SUB1: variants seen among roughly 807,000 people sequenced by gnomAD.
SUB1 encodes the protein SUB1 regulator of transcription.
In SUB1, 1 loss-of-function variant was observed where a neutral mutation model predicts 16.9. The observed-to-expected ratio is 0.06, with a 90% CI of 0.02 to 0.28. The LOEUF is 0.28. Among genes scored for constraint, SUB1 ranks in the 10% least tolerant of loss-of-function variants. The pLI is 1.00. For synonymous variants in SUB1, 51 were observed against 46.9 expected (o/e 1.09, Z -0.36); for missense variants, 84 against 145.2 (o/e 0.58, Z 2.16).
intron 1 of SUB1, chr5:32,585,873 C>G (rs973812090): frequency 6.5e-6 from 1 of 152,692 alleles, no homozygotes; most frequent in Non-Finnish European, 1.5e-5. Flanking sequence ...GCGGCGGGCG[C>G]TGCGGCCCGG....
chr5:32,602,162 A>G lies in SUB1; in HGVS notation c.*1078A>G, dbSNP rs751987630. On this transcript the variant is annotated 3_prime_UTR_variant, in exon 5 of 5. Coordinates refer to ENST00000265073, the MANE Select transcript of SUB1 (RefSeq NM_006713.4). ...ATGATACTAAGTTTTAGCAGACACT[A>G]GTAAGTGGTTTGTATTTAACCATAC... 6 of 450,590 alleles carry G rather than the reference A, an allele frequency of 1.3e-5. No homozygotes were observed. Among genetic ancestry groups the G allele is most frequent in the Non-Finnish European group, 2.7e-5 (6 of 225,196 alleles). 27.9% of individuals were successfully genotyped at this position (450,590 alleles called of 1,614,324 possible). A position where few individuals can be genotyped will look rare whatever the true frequency, so the allele number is the denominator to read the frequency against.
chr5:32,593,419 GT>G (rs916889235), intron 3 of SUB1, among the ~76,000 whole-genome samples: 24 of 149,996 alleles, frequency 1.6e-4, no homozygotes, highest in African/African-American at 2.4e-4. Flanking sequence ...GAAAATTTAA[GT>G]TTTTTTTTTC....
In SUB1 at chr5:32,603,237, A is replaced by C. The variant is rs1329666824; in HGVS notation, c.*2153A>C. 1.3e-5 allele frequency: 2 copies of C among 152,194 alleles called. No homozygotes were observed. Among genetic ancestry groups the C allele is most frequent in the East Asian group, 3.8e-4 (2 of 5,208 alleles). 9.4% of individuals were successfully genotyped at this position (152,194 alleles called of 1,614,324 possible). A position where few individuals can be genotyped will look rare whatever the true frequency, so the allele number is the denominator to read the frequency against. On this transcript the variant is annotated 3_prime_UTR_variant, in exon 5 of 5. Coordinates refer to ENST00000265073, the MANE Select transcript of SUB1 (RefSeq NM_006713.4). Reference sequence around the variant, plus strand: ...TTAATCAGTTTGTGTATAGGAAAAGAGAACTGGGTTAAAAGCAAATTAACT... The same window carrying C: ...TTAATCAGTTTGTGTATAGGAAAAGCGAACTGGGTTAAAAGCAAATTAACT...
chr5:32,602,192 G>A lies in SUB1; in HGVS notation c.*1108G>A, dbSNP rs560881738. On this transcript the variant is annotated 3_prime_UTR_variant, in exon 5 of 5. Coordinates refer to ENST00000265073, the MANE Select transcript of SUB1 (RefSeq NM_006713.4). ...GTGGTTTGTATTTAACCATACTGAT[G>A]AAGCAGACAGATTGAGGCACAGATT... The A allele has an allele frequency of 2.2e-6, 1 of 455,356 alleles. No homozygotes were observed. Among genetic ancestry groups the A allele is most frequent in the South Asian group, 1.6e-5 (1 of 64,464 alleles). 28.2% of individuals were successfully genotyped at this position (455,356 alleles called of 1,614,324 possible).
intron 2 of SUB1, among the ~76,000 whole-genome samples, chr5:32,590,089 G>A (rs983738081): frequency 6.6e-6 from 1 of 152,166 alleles, no homozygotes; most frequent in African/African-American, 2.4e-5. Flanking sequence ...TTATTTGCCA[G>A]ACATGCACTA....
intron 3 of SUB1, chr5:32,594,757 T>A (rs1738916276): frequency 4.6e-6 from 1 of 218,222 alleles, no homozygotes; most frequent in African/African-American, 2.3e-5. Context: ...TTATTCCTTA[T>A]GAGAATCTAA....
At chr5:32,588,286 T>G (rs1034789710) in intron 1 of SUB1, among the ~76,000 whole-genome samples, 2 of 152,216 alleles carry the variant, frequency 1.3e-5, no homozygotes, top group Admixed American at 6.5e-5. Context: ...TGTATGACAT[T>G]TAGTTCATTG....
At chr5:32,590,036 A>G (rs957902132) in intron 2 of SUB1, among the ~76,000 whole-genome samples, 4 of 152,200 alleles carry the variant, frequency 2.6e-5, no homozygotes, top group South Asian at 2.1e-4. Context: ...TGCACCCTAT[A>G]TAGTATTTGA....
Position 32,588,534 on chromosome 5 carries a change from G to A in SUB1, c.22G>A (p.Val8Ile), listed in dbSNP as rs1187588651. Residue 8 changes from valine (V) to isoleucine (I), a missense_variant, in exon 2 of 5, where the codon GTT becomes ATT. Around this residue, in one of 2 missense-constraint regions of SUB1, gnomAD observed 60 missense variants for 64.9 expected, o/e 0.92. Coordinates refer to ENST00000265073, the MANE Select transcript of SUB1 (RefSeq NM_006713.4). ...CAGGATGCCTAAATCAAAGGAACTT[G>A]TTTCTTCAAGCTCTTCTGGCAGTGA... MPKSKELVSSSSSGSDSD... is the reference protein window; with the variant it reads MPKSKELISSSSSGSDSD... The A allele has an allele frequency of 1.9e-6, 3 of 1,612,734 alleles. No homozygotes were observed. Among genetic ancestry groups the A allele is most frequent in the Non-Finnish European group, 1.7e-6 (2 of 1,179,396 alleles).
Position 32,588,057 on chromosome 5 carries a change from A to G in SUB1, c.-1-455A>G, listed in dbSNP as rs368817624. Among the ~76,000 whole-genome samples, 107 of 151,840 alleles carry G rather than the reference A, an allele frequency of 7.0e-4. 2 individuals are homozygous for G. The East Asian group carries it at 7.3e-3, about 10-fold the overall frequency. ...GTACAGCTAGTTCCCTGTTGTGTAA[A>G]TGTTGGGGTCAGTTCCCCATAGTGA... On this transcript the variant is annotated intron_variant, in intron 1 of 4. Transcript: ENST00000265073.
rs374653547 is a variant in SUB1 at position 32,599,083 on chromosome 5, A to G, written c.304+14A>G. 2.5e-6 allele frequency: 4 copies of G among 1,596,610 alleles called. No homozygotes were observed. In the African/African-American group the frequency reaches 4.0e-5, roughly 16 times the overall value. On this transcript the variant is annotated intron_variant, in intron 4 of 4. Coordinates refer to ENST00000265073, the MANE Select transcript of SUB1 (RefSeq NM_006713.4). ...CAGGAAGAAAAGGTGAGGTCTAATT[A>G]CTTGAATTTTATTACAGTGTTAGGA...
rs532971757 is a variant in SUB1, at chr5:32,602,107, G to A, written c.*1023G>A. 2.7e-5 allele frequency: 11 copies of A among 401,860 alleles called. No homozygotes were observed. The highest frequency in any genetic ancestry group is 2.3e-4 in the African/African-American group (11 of 48,428). 24.9% of individuals were successfully genotyped at this position (401,860 alleles called of 1,614,324 possible). A position where few individuals can be genotyped will look rare whatever the true frequency, so the allele number is the denominator to read the frequency against. On this transcript the variant is annotated 3_prime_UTR_variant, in exon 5 of 5. Transcript: ENST00000265073. ...CTTGTGTATTTTGGCCTTTGCCCCA[G>A]TAGAACAGACCAATGGCATTCTAGA... is the stretch of plus-strand genomic sequence containing the variant.
chr5:32,587,124 G>A (rs1293554471), intron 1 of SUB1, among the ~76,000 whole-genome samples: 1 of 152,108 alleles, frequency 6.6e-6, no homozygotes, highest in Non-Finnish European at 1.5e-5. Flanking sequence ...TTATTGGAAC[G>A]CTAAGCATGT....
Position 32,602,284 on chromosome 5 carries a change from T to C in SUB1, c.*1200T>C, listed in dbSNP as rs1362062352. On this transcript the variant is annotated 3_prime_UTR_variant, in exon 5 of 5. Coordinates refer to ENST00000265073, the MANE Select transcript of SUB1 (RefSeq NM_006713.4). ...GGAAAAGAATGTTTATAAAGGGAAT[T>C]ATAACTGAAATTAAAGGAGGCGGCA... is the stretch of plus-strand genomic sequence containing the variant. 4 of 450,198 alleles carry C rather than the reference T, an allele frequency of 8.9e-6. No homozygotes were observed. Among genetic ancestry groups the C allele is most frequent in the Non-Finnish European group, 1.8e-5 (4 of 225,354 alleles). The allele number at this position is 450,198 out of a possible 1,614,324, so 27.9% of individuals were successfully genotyped here. A position where few individuals can be genotyped will look rare whatever the true frequency, so the allele number is the denominator to read the frequency against.
chr5:32,593,100 C>T (rs1249697528), intron 3 of SUB1, among the ~76,000 whole-genome samples: 1 of 152,062 alleles, frequency 6.6e-6, no homozygotes, highest in African/African-American at 2.4e-5. Flanking sequence ...GCAACTTCCG[C>T]TTCCTGGGCT....
intron 3 of SUB1, among the ~76,000 whole-genome samples, 174 bp downstream of exon 3, chr5:32,591,859 C>T (rs1008292493): frequency 2.6e-5 from 4 of 152,116 alleles, no homozygotes; most frequent in Non-Finnish European, 4.4e-5. Context: ...GCCACCAGAC[C>T]TGGCTAATTT....
At chr5:32,594,057 C>T (rs1384925461) in intron 3 of SUB1, among the ~76,000 whole-genome samples, 2 of 152,150 alleles carry the variant, frequency 1.3e-5, no homozygotes, top group African/African-American at 4.8e-5. Flanking sequence ...TAATATGATA[C>T]TTAATTTCAT....
chr5:32,590,267 A>G (rs964753440), intron 2 of SUB1, among the ~76,000 whole-genome samples: 7 of 152,074 alleles, frequency 4.6e-5, no homozygotes, highest in African/African-American at 1.4e-4. Context: ...TCCTAGCTTC[A>G]TCTAATTTGG....
intron 2 of SUB1, chr5:32,591,303 T>A (rs1415824277): frequency 7.1e-6 from 2 of 280,556 alleles, no homozygotes; most frequent in Non-Finnish European, 1.3e-5. Context: ...AACCACAAAA[T>A]AACCGTTCCT....
Sources: gnomAD v4.1 joint callset for allele counts (sites outside exome capture counted in the v4.1 genomes callset) on GRCh38, gnomAD v4.1.1 for gene constraint, gnomAD v4.1.1 regional missense constraint, MANE v1.5 for transcripts, NCBI Gene and HGNC (gene_info 2026-07-23, HGNC 2026-07-21) for gene names.